CDH2: variants seen among roughly 807,000 people sequenced by gnomAD.
The protein encoded by CDH2 is cadherin 2.
CDH2 carries 17 observed loss-of-function variants against 92.0 expected under a neutral mutation model. That is an observed-to-expected ratio of 0.18 (90% CI 0.13 to 0.28). The LOEUF (loss-of-function observed/expected upper bound fraction) is 0.28, where lower values mean the gene tolerates loss of function less well. CDH2 is among the 10% of genes least tolerant of loss of function. CDH2 has a pLI of 1.00. For missense variants in CDH2, 862 were observed against 1,133.1 expected, an observed-to-expected ratio of 0.76 and a Z score of 3.44; for synonymous variants, 419 against 415.9, an observed-to-expected ratio of 1.01 and a Z score of -0.09.
At chr18:27,957,527 C>T (rs1246051002) in intron 15 of CDH2, among the ~76,000 whole-genome samples, 1 of 152,050 alleles carries the variant, frequency 6.6e-6, no homozygotes, top group Non-Finnish European at 1.5e-5. Context: ...GCTGGGATTA[C>T]AGGTGTGAGC....
chr18:27,939,457 G>C (rs1449123088), intron 6 of CDH2, among the ~76,000 whole-genome samples: 4 of 152,286 alleles, frequency 2.6e-5, no homozygotes, highest in South Asian at 4.1e-4. Flanking sequence ...TAGAAATGGA[G>C]GGGGTGGTTT....
chr18:27,969,506 G>A (rs1202623263), intron 14 of CDH2, among the ~76,000 whole-genome samples: 1 of 152,138 alleles, frequency 6.6e-6, no homozygotes, highest in African/African-American at 2.4e-5. Flanking sequence ...TGTGACTGTT[G>A]AAATCCTATC....
At chr18:28,004,277 C>T (rs1247872052) in intron 6 of CDH2, among the ~76,000 whole-genome samples, 1 of 152,180 alleles carries the variant, frequency 6.6e-6, no homozygotes, top group Non-Finnish European at 1.5e-5. Context: ...ACAAGGCTTA[C>T]CACACAGCAT....
At chr18:27,952,645 T>C (rs761174099) in intron 15 of CDH2, among the ~76,000 whole-genome samples, 2 of 152,112 alleles carry the variant, frequency 1.3e-5, no homozygotes, top group Non-Finnish European at 2.9e-5. Context: ...GTTGGACAGG[T>C]GGCAGAAATG....
chr18:28,089,899 C>A (rs1292068963), intron 2 of CDH2, among the ~76,000 whole-genome samples: 6 of 152,222 alleles, frequency 3.9e-5, no homozygotes, highest in Admixed American at 3.9e-4. Context: ...GCTCTCCACA[C>A]TTCAGATCCA....
chr18:28,042,330 G>A (rs474904), intron 2 of CDH2, among the ~76,000 whole-genome samples: 7 of 152,044 alleles, frequency 4.6e-5, no homozygotes, highest in Non-Finnish European at 1.0e-4. Context: ...TTTGGTAATT[G>A]CGTTATCAAT....
In CDH2 at chr18:27,952,002, C is replaced by G. The variant is rs201833801; in HGVS notation, c.*151G>C. The G allele has an allele frequency of 2.6e-5, 17 of 662,890 alleles. No homozygotes were observed. Among genetic ancestry groups the G allele is most frequent in the Middle Eastern group, 8.3e-4 (2 of 2,418 alleles). 41.1% of individuals were successfully genotyped at this position (662,890 alleles called of 1,614,324 possible). ...ACAGTATGGATCACTGATATTCCCT[C>G]TGAGCCCAAATTGGTTTGCAGCCTA... is the stretch of plus-strand genomic sequence containing the variant. On this transcript the variant is annotated 3_prime_UTR_variant, in exon 16 of 16. Transcript: ENST00000269141.
At chr18:27,996,270 G>A (rs1038283831) in intron 7 of CDH2, among the ~76,000 whole-genome samples, 2 of 152,082 alleles carry the variant, frequency 1.3e-5, no homozygotes, top group African/African-American at 4.8e-5. Flanking sequence ...ACAAGTGGAT[G>A]TTACACAGAG....
chr18:28,151,044 T>C (rs2144333342), intron 1 of CDH2, among the ~76,000 whole-genome samples: 1 of 152,296 alleles, frequency 6.6e-6, no homozygotes, highest in South Asian at 2.1e-4. Flanking sequence ...TGTTGGTAAA[T>C]CAGTATCTCA....
chr18:27,933,762 C>T (rs994669649), intron 6 of CDH2, among the ~76,000 whole-genome samples: 15 of 152,138 alleles, frequency 9.9e-5, no homozygotes, highest in African/African-American at 3.4e-4. Flanking sequence ...GCAAGCTTCA[C>T]GTATTTGGGA....
chr18:28,142,001 C>T (rs1408123613), intron 2 of CDH2, among the ~76,000 whole-genome samples: 1 of 152,030 alleles, frequency 6.6e-6, no homozygotes, highest in African/African-American at 2.4e-5. Flanking sequence ...CAAAGGCACA[C>T]ATTCTCCCTA....
At chr18:28,003,615 T>C (rs2012832904) in intron 6 of CDH2, among the ~76,000 whole-genome samples, 1 of 152,210 alleles carries the variant, frequency 6.6e-6, no homozygotes, top group African/African-American at 2.4e-5. Flanking sequence ...CCCCAGTGCC[T>C]GAGTCACTTT....
chr18:27,960,017 AAAAC>A (rs2011356449), intron 15 of CDH2, among the ~76,000 whole-genome samples: 1 of 26,738 alleles, frequency 3.7e-5, no homozygotes, highest in Non-Finnish European at 7.5e-5. Context: ...CCTGTCTCTT[AAAAC>A]ACACACACAC....
chr18:28,121,692 C>CAA (rs35956277), intron 2 of CDH2, among the ~76,000 whole-genome samples: 4 of 151,442 alleles, frequency 2.6e-5, no homozygotes, highest in Admixed American at 6.6e-5. Context: ...TTAGGGTTAC[C>CAA]AAAAAAAACA....
chr18:27,981,248 G>A lies in CDH2; in HGVS notation c.2349+1696C>T, dbSNP rs551310248. Reference sequence around the variant, plus strand: ...AAAATTACACAAAAAATAAAATACTGGAAGTAGACGATTTATGAGAGAATG... The same window carrying A: ...AAAATTACACAAAAAATAAAATACTAGAAGTAGACGATTTATGAGAGAATG... On this transcript the variant is annotated intron_variant, in intron 14 of 15. Transcript: ENST00000269141. Among the ~76,000 whole-genome samples the A allele has an allele frequency of 2.2e-4, 33 of 152,212 alleles. 1 individual carries two copies. The highest frequency in any genetic ancestry group is 1.7e-3 in the South Asian group (8 of 4,828).
At chr18:28,168,975 T>C (rs1259629451) in intron 1 of CDH2, among the ~76,000 whole-genome samples, 1 of 152,164 alleles carries the variant, frequency 6.6e-6, no homozygotes, top group Admixed American at 6.5e-5. Flanking sequence ...GGTTTTATTC[T>C]GGATTCTCAT....
In CDH2 at chr18:28,160,699, G is replaced by C. The variant is rs17536827; in HGVS notation, c.61-12915C>G. Among the ~76,000 whole-genome samples the C allele has an allele frequency of 9.3e-3, 1,422 of 152,278 alleles. 29 individuals are homozygous for C. Among genetic ancestry groups the C allele is most frequent in the African/African-American group, 0.032 (1,334 of 41,566 alleles). ...CACCTGTTCCACCAGTCAACCACCA[G>C]ACCAAACCCAACATGGTGATAACAC... On this transcript the variant is annotated intron_variant, in intron 1 of 15. Transcript: ENST00000269141.
In CDH2 at chr18:28,177,001, G is replaced by C. The variant is rs1369360558; in HGVS notation, c.22C>G (p.Leu8Val). The change falls in exon 1 of 16, where the codon CTG becomes GTG. Residue 8 changes from leucine (L) to valine (V), a missense_variant. Transcript: ENST00000269141. MCRIAGA[L>V]RTLLPLLAAL... ...GCCAGCAGCGGCAGCAGGGTCCGCA[G>C]CGCTCCCGCTATCCGGCACATGGAG... The C allele has an allele frequency of 3.4e-6, 5 of 1,483,486 alleles. No individual in the cohort carries two copies. The highest frequency in any genetic ancestry group is 4.5e-6 in the Non-Finnish European group (5 of 1,120,176). 91.9% of individuals were successfully genotyped at this position (1,483,486 alleles called of 1,614,324 possible).
chr18:27,991,603 T>C (rs2012417932), intron 9 of CDH2, among the ~76,000 whole-genome samples: 1 of 152,306 alleles, frequency 6.6e-6, no homozygotes, highest in Non-Finnish European at 1.5e-5. Context: ...TAACATACTG[T>C]TATCAGCCCC....
Sources: gnomAD v4.1 joint callset for allele counts (sites outside exome capture counted in the v4.1 genomes callset) on GRCh38, gnomAD v4.1.1 for gene constraint, MANE v1.5 for transcripts, NCBI Gene and HGNC (gene_info 2026-07-23, HGNC 2026-07-21) for gene names.